PARVB: variants seen among roughly 807,000 people sequenced by gnomAD.
The protein encoded by PARVB is parvin beta.
A neutral mutation model predicts 47.0 loss-of-function variants in PARVB; 46 were observed. That is an observed-to-expected ratio of 0.98 (90% confidence interval 0.77 to 1.25). The LOEUF (loss-of-function observed/expected upper bound fraction) is 1.25. PARVB is among the 50% of genes most tolerant of loss of function. The probability of loss-of-function intolerance (pLI) is 0.00; values close to 1 mark genes in which losing one functional copy is unlikely to be tolerated. For missense variants in PARVB, 473 were observed against 471.6 expected, an observed-to-expected ratio of 1.00 and a Z score of -0.03; for synonymous variants, 196 against 196.3, an observed-to-expected ratio of 1.00 and a Z score of 0.01.
At chr22:44,117,981 A>G (rs2052949245) in intron 3 of PARVB, among the ~76,000 whole-genome samples, 2 of 152,342 alleles carry the variant, frequency 1.3e-5, no homozygotes, top group South Asian at 4.1e-4. Flanking sequence ...TACTTTCATA[A>G]TGGAAGCAAT....
intron 2 of PARVB, among the ~76,000 whole-genome samples, chr22:44,016,332 G>T (rs573289279): frequency 1.3e-5 from 2 of 151,882 alleles, no homozygotes; most frequent in African/African-American, 4.8e-5. Context: ...TCCTGACTTC[G>T]TGATCCGCCC....
chr22:44,157,159 G>A (rs1333322302), intron 10 of PARVB, among the ~76,000 whole-genome samples: 1 of 152,222 alleles, frequency 6.6e-6, no homozygotes, highest in Admixed American at 6.5e-5. Flanking sequence ...GGAGAATGGG[G>A]CCACAGTCAC....
intron 1 of PARVB, among the ~76,000 whole-genome samples, chr22:44,082,474 G>A (rs923390352): frequency 6.6e-6 from 1 of 152,052 alleles, no homozygotes; most frequent in Non-Finnish European, 1.5e-5. Context: ...AGCCAAGATC[G>A]AGCCACTGCA....
At chr22:44,034,947 T>C (rs541403443) in intron 1 of PARVB, among the ~76,000 whole-genome samples, 4 of 152,132 alleles carry the variant, frequency 2.6e-5, no homozygotes, top group African/African-American at 9.6e-5. Flanking sequence ...CTGGCCTCAG[T>C]TGATCCGCTC....
intron 8 of PARVB, chr22:44,140,377 G>T (rs560201861): frequency 1.5e-5 from 11 of 715,556 alleles, no homozygotes; most frequent in East Asian, 5.2e-5. Context: ...GGGGTGGAAG[G>T]CTGGGTGACC....
intron 2 of PARVB, among the ~76,000 whole-genome samples, chr22:44,002,684 C>T (rs1603421543): frequency 6.6e-6 from 1 of 152,168 alleles, no homozygotes; most frequent in Non-Finnish European, 1.5e-5. Context: ...CTGCATTAAA[C>T]GTGAGGCCTG....
In PARVB at chr22:44,100,022, G is replaced by A. The variant is rs569624212; in HGVS notation, c.203-31G>A. ...CCGTGTCCCTGCCACCCCCACAATC[G>A]CTGACCGTGACTTCCTTTTGTCCCT... On this transcript the variant is annotated intron_variant, in intron 2 of 12. Transcript: ENST00000338758. 49 of 1,598,968 alleles carry A rather than the reference G, an allele frequency of 3.1e-5. No individual in the cohort carries two copies. The East Asian group carries it at 8.0e-4, about 26-fold the overall frequency.
At chr22:44,008,093 T>TTTG (rs759140015) in intron 2 of PARVB, among the ~76,000 whole-genome samples, 6 of 152,104 alleles carry the variant, frequency 3.9e-5, no homozygotes, top group East Asian at 1.9e-4. Context: ...ACAGGTTTTT[T>TTTG]TTGTTGTTGT....
At chr22:44,036,270 A>G (rs749136169) in intron 1 of PARVB, among the ~76,000 whole-genome samples, 2 of 152,174 alleles carry the variant, frequency 1.3e-5, no homozygotes, top group Non-Finnish European at 2.9e-5. Context: ...AATAAAATAA[A>G]TACAATAAAA....
At chr22:44,143,152 A>G (rs2053591909) in intron 8 of PARVB, 1 of 152,608 alleles carries the variant, frequency 6.6e-6, no homozygotes, top group Admixed American at 6.5e-5. Context: ...CTCTGACTCC[A>G]CTGCCCCAAA....
At chr22:44,081,536 A>G (rs2051900078) in intron 1 of PARVB, 1 of 916,226 alleles carries the variant, frequency 1.1e-6, no homozygotes, top group East Asian at 1.2e-4. Flanking sequence ...AGTCACATTA[A>G]TTAATACGAG....
intron 3 of PARVB, among the ~76,000 whole-genome samples, chr22:44,100,792 G>T (rs749188753): frequency 1.3e-5 from 2 of 152,166 alleles, no homozygotes; most frequent in African/African-American, 2.4e-5. Flanking sequence ...CGAAACCACG[G>T]TAGGGCTTGA....
intron 1 of PARVB, among the ~76,000 whole-genome samples, chr22:44,025,126 T>C (rs2050707934): frequency 6.6e-6 from 1 of 151,900 alleles, no homozygotes; most frequent in African/African-American, 2.4e-5. Context: ...TCTGCTTGGG[T>C]GGGGAGGTTC....
chr22:44,148,108 A>G, intron 9 of PARVB, 186 bp downstream of exon 9: 1 of 611,988 alleles, frequency 1.6e-6, no homozygotes. Flanking sequence ...TTTTAACTCA[A>G]CCTCGCTGCT....
chr22:44,118,300 A>G (rs2052959040), intron 3 of PARVB, among the ~76,000 whole-genome samples: 1 of 152,248 alleles, frequency 6.6e-6, no homozygotes. Context: ...GAAGCCACAC[A>G]TGAAAGGGCA....
At chr22:44,065,416 C>T (rs1381826789) in intron 1 of PARVB, among the ~76,000 whole-genome samples, 1 of 152,094 alleles carries the variant, frequency 6.6e-6, no homozygotes, top group East Asian at 1.9e-4. Flanking sequence ...CTCGGCCTCC[C>T]AAAGTGCTGG....
chr22:44,073,742 C>T (rs570134006), intron 1 of PARVB, among the ~76,000 whole-genome samples: 2 of 152,342 alleles, frequency 1.3e-5, no homozygotes, highest in African/African-American at 4.8e-5. Context: ...AAGCACTTCC[C>T]TCTGAAAGGG....
At chr22:44,094,544 C>T (rs1216104646) in intron 2 of PARVB, among the ~76,000 whole-genome samples, 6 of 151,972 alleles carry the variant, frequency 3.9e-5, no homozygotes, top group African/African-American at 7.2e-5. Flanking sequence ...AGCTGGGGTG[C>T]GGTGATATGA....
intron 5 of PARVB, 66 bp downstream of exon 5, chr22:44,131,693 C>T (rs1209167748): frequency 6.7e-7 from 1 of 1,492,182 alleles, no homozygotes. Flanking sequence ...ATTCGTCATC[C>T]ACATTTGTCA....
Sources: allele counts gnomAD v4.1 joint callset (sites outside exome capture counted in the v4.1 genomes callset), GRCh38; gene constraint gnomAD v4.1.1; transcripts MANE v1.5; gene names NCBI Gene and HGNC (gene_info 2026-07-23, HGNC 2026-07-21).